The following CCDC88C variants were observed in gnomAD, a reference collection of about 807,000 sequenced individuals.
The protein encoded by CCDC88C is coiled-coil and HOOK domain protein 88C.
CCDC88C carries 131 observed loss-of-function variants against 198.8 expected under a neutral mutation model. The observed-to-expected ratio is 0.66, with a 90% CI of 0.57 to 0.76. CCDC88C has a LOEUF of 0.76. CCDC88C is among the 30% of genes least tolerant of loss of function. The pLI is 0.00. For missense variants in CCDC88C, 2,553 were observed against 2,631.6 expected, an observed-to-expected ratio of 0.97 and a Z score of 0.65; for synonymous variants, 1,166 against 1,114.7, an observed-to-expected ratio of 1.05 and a Z score of -0.92.
Position 91,338,297 on chromosome 14 carries a change from T to A in CCDC88C, c.892-134A>T. ...AGCTCCTGGTGGCCGGGGGCCTCCA[T>A]GTGCCACCACCACACGGGATCTCCA... On this transcript the variant is annotated intron_variant, in intron 9 of 29. Transcript: ENST00000389857. The surrounding 1 kb of genome is among the most constrained non-coding windows in gnomAD (Gnocchi z 4.8). 1 of 1,114,316 alleles carries A rather than the reference T, an allele frequency of 9.0e-7. No homozygotes were observed. Among genetic ancestry groups the A allele is most frequent in the Non-Finnish European group, 1.3e-6 (1 of 775,914 alleles). The allele number at this position is 1,114,316 out of a possible 1,614,324, so 69.0% of individuals were successfully genotyped here. A position where few individuals can be genotyped will look rare whatever the true frequency, so the allele number is the denominator to read the frequency against.
intron 13 of CCDC88C, among the ~76,000 whole-genome samples, 167 bp downstream of exon 13, chr14:91,320,953 A>ATTCCTATTT: frequency 6.6e-6 from 1 of 152,164 alleles, no homozygotes; most frequent in African/African-American, 2.4e-5. Context: ...CCTCACTCCC[A>ATTCCTATTT]TTCCTATTAT....
chr14:91,390,051 G>A (rs1459239161), intron 3 of CCDC88C, among the ~76,000 whole-genome samples: 2 of 151,110 alleles, frequency 1.3e-5, no homozygotes, highest in African/African-American at 4.9e-5. Context: ...CAGCCTGGGC[G>A]ACAGGGTGAG....
At chr14:91,377,599 A>G (rs931409434) in intron 3 of CCDC88C, among the ~76,000 whole-genome samples, 2 of 152,142 alleles carry the variant, frequency 1.3e-5, no homozygotes, top group Admixed American at 6.5e-5. Flanking sequence ...CAGGATTCAC[A>G]GTATAATCAT....
At chr14:91,331,912 C>T (rs1892847790) in intron 10 of CCDC88C, among the ~76,000 whole-genome samples, 1 of 152,144 alleles carries the variant, frequency 6.6e-6, no homozygotes, top group Non-Finnish European at 1.5e-5. Context: ...CCAGGTAGGT[C>T]TCTGCCTCTG....
chr14:91,283,759 C>T (rs932362021), intron 25 of CCDC88C: 3 of 554,136 alleles, frequency 5.4e-6, no homozygotes, highest in Non-Finnish European at 9.7e-6. Flanking sequence ...ATGCTGGGGT[C>T]ATACTGCCAG....
Position 91,313,504 on chromosome 14 carries a change from A to G in CCDC88C, c.2312T>C (p.Leu771Pro). ...GCTGCTGCTCTCCAGGCTCTGCTGC[A>G]GCCGGAGGTTCTCAGCGCTCACGCT... ...YQSVSAENLRLQQSLESSSHK... is the reference protein window; with the variant it reads ...YQSVSAENLRPQQSLESSSHK... Residue 771 changes from leucine to proline, a missense_variant, in exon 15 of 30, where the codon CTG becomes CCG. Leu to Pro is a moderately conservative substitution (Grantham distance 98, BLOSUM62 -3). Transcript: ENST00000389857. This position sits in a 1 kb window ranked among gnomAD's most constrained non-coding sequence, Gnocchi z 5.2. 6.2e-7 allele frequency: 1 copy of G among 1,608,430 alleles called. No individual in the cohort carries two copies.
intron 3 of CCDC88C, among the ~76,000 whole-genome samples, chr14:91,389,346 G>A (rs1014210626): frequency 1.3e-5 from 2 of 152,202 alleles, no homozygotes; most frequent in African/African-American, 4.8e-5. Context: ...CAGGGGAAAA[G>A]TCAACAACTG....
At position 91,313,359 on chromosome 14, in the gene CCDC88C, G is replaced by A. The variant is rs1169142373; in HGVS notation, c.2457C>T (p.Asp819=). 2 of 1,610,876 alleles carry A rather than the reference G, an allele frequency of 1.2e-6. No homozygotes were observed. Among genetic ancestry groups the A allele is most frequent in the African/African-American group, 1.3e-5 (1 of 74,792 alleles). The change falls in exon 15 of 30, where the codon GAC becomes GAT. Residue 819 remains aspartate, a synonymous_variant. Transcript: ENST00000389857. The surrounding 1 kb of genome is among the most constrained non-coding windows in gnomAD (Gnocchi z 5.2). The part of the protein sequence containing the change: ...ANAQLEGAEK[D]RKALEQEVAQ... ...CCACCTCCTGCTCCAGGGCCTTCCT[G>A]TCCTTCTCGGCCCCCTCCAACTGTG...
Position 91,273,312 on chromosome 14 carries a change from G to C in CCDC88C, c.5400C>G (p.Ser1800=). 2 of 1,557,538 alleles carry C rather than the reference G, an allele frequency of 1.3e-6. No homozygotes were observed. Among genetic ancestry groups the C allele is most frequent in the South Asian group, 2.3e-5 (2 of 85,624 alleles). The change falls in exon 30 of 30, where the codon TCC becomes TCG. Residue 1800 remains serine, a synonymous_variant. Coordinates refer to ENST00000389857, the MANE Select transcript of CCDC88C (RefSeq NM_001080414.4). This position sits in a 1 kb window ranked among gnomAD's most constrained non-coding sequence, Gnocchi z 5.6. The stretch of plus-strand genomic sequence containing the variant: ...AGGCCAGGCTGAAGGCCCGGCTCAA[G>C]GAGGCACTGCGGCTGGCAGGTGCAT... The part of the protein sequence containing the change: ...ASHAPASRSA[S]LSRAFSLASA...
intron 3 of CCDC88C, among the ~76,000 whole-genome samples, chr14:91,372,542 C>T (rs868508569): frequency 1.7e-3 from 27 of 16,160 alleles, no homozygotes; most frequent in Admixed American, 3.1e-3. Flanking sequence ...GGGGGGCGGG[C>T]GGGGGGGGGA....
At chr14:91,311,628 A>G (rs1357397638) in intron 15 of CCDC88C, among the ~76,000 whole-genome samples, 1 of 152,200 alleles carries the variant, frequency 6.6e-6, no homozygotes, top group Non-Finnish European at 1.5e-5. Context: ...GGGTCCCCAC[A>G]CTAGACCCTT....
chr14:91,341,938 G>C (rs547448266), intron 6 of CCDC88C, among the ~76,000 whole-genome samples: 3 of 152,304 alleles, frequency 2.0e-5, no homozygotes, highest in African/African-American at 7.2e-5. Context: ...ATTCCCAAGT[G>C]GTGTCAGCTT....
At chr14:91,300,167 A>C in intron 20 of CCDC88C, 97 bp from the exon 21 acceptor site, 1 of 1,493,008 alleles carries the variant, frequency 6.7e-7, no homozygotes, top group Non-Finnish European at 9.0e-7. Flanking sequence ...CCGTGAGAAA[A>C]TGGGATTCCT....
At chr14:91,350,005 A>ATCCTTCTGAACACAG (rs1408646860) in intron 4 of CCDC88C, among the ~76,000 whole-genome samples, 1 of 152,190 alleles carries the variant, frequency 6.6e-6, no homozygotes, top group East Asian at 1.9e-4. Context: ...AGGCCTCAGA[A>ATCCTTCTGAACACAG]TCCTTCTGAA....
chr14:91,368,909 C>G (rs1894657827), intron 3 of CCDC88C, among the ~76,000 whole-genome samples: 2 of 152,226 alleles, frequency 1.3e-5, no homozygotes, highest in Non-Finnish European at 2.9e-5. Flanking sequence ...GGCAACCAGC[C>G]AACCTCAGGC....
chr14:91,316,301 C>G (rs935800416), intron 13 of CCDC88C, among the ~76,000 whole-genome samples: 28 of 152,232 alleles, frequency 1.8e-4, no homozygotes, highest in African/African-American at 6.5e-4. Flanking sequence ...TCCTTGACAT[C>G]AAGGTCTTAT....
intron 20 of CCDC88C, among the ~76,000 whole-genome samples, 155 bp from the exon 21 acceptor site, chr14:91,300,225 C>T (rs1891212191): frequency 2.0e-5 from 3 of 152,172 alleles, no homozygotes; most frequent in African/African-American, 7.2e-5. Context: ...AGGGAACAGG[C>T]GGGGAGCGCA....
In CCDC88C at chr14:91,284,901, A is replaced by G. The variant is rs1177658374; in HGVS notation, c.4442-1384T>C. Among the ~76,000 whole-genome samples the G allele has an allele frequency of 4.6e-5, 7 of 152,224 alleles. No homozygotes were observed. Among genetic ancestry groups the G allele is most frequent in the Non-Finnish European group, 1.5e-5 (1 of 68,036 alleles). ...ATGACAAAAATAACGGAGGTGGTAC[A>G]GGGATGGCTAGAGACAGGAAATGCT... is the stretch of plus-strand genomic sequence containing the variant. On this transcript the variant is annotated intron_variant, in intron 25 of 29. Coordinates refer to ENST00000389857, the MANE Select transcript of CCDC88C (RefSeq NM_001080414.4). This position sits in a 1 kb window ranked among gnomAD's most constrained non-coding sequence, Gnocchi z 4.1.
At chr14:91,315,870 C>G in intron 13 of CCDC88C, 83 bp from the exon 14 acceptor site, 1 of 1,437,090 alleles carries the variant, frequency 7.0e-7, no homozygotes, top group Non-Finnish European at 9.5e-7. Flanking sequence ...GAAACCACCC[C>G]AACAGAATGC....
Sources: allele counts gnomAD v4.1 joint callset (sites outside exome capture counted in the v4.1 genomes callset), GRCh38; gene constraint gnomAD v4.1.1; non-coding constraint Gnocchi (gnomAD v3.1); transcripts MANE v1.5; gene names NCBI Gene and HGNC (gene_info 2026-07-23, HGNC 2026-07-21).